The following FSTL5 variants were observed in gnomAD, a reference collection of about 807,000 sequenced individuals.
The protein encoded by FSTL5 is follistatin-related protein 5.
A neutral mutation model predicts 89.1 loss-of-function variants in FSTL5; 62 were observed. The observed-to-expected ratio is 0.70, with a 90% CI of 0.57 to 0.86. The LOEUF (loss-of-function observed/expected upper bound fraction) is 0.86. Ranked by LOEUF, FSTL5 falls within the 40% of genes least tolerant of loss-of-function variation. The probability of loss-of-function intolerance (pLI) is 0.00; values close to 1 mark genes in which losing one functional copy is unlikely to be tolerated. For missense variants in FSTL5, 1,057 were observed against 1,001.6 expected (o/e 1.06, Z -0.75); for synonymous variants, 383 against 346.2 (o/e 1.11, Z -1.18).
chr4:161,388,220 A>T (rs1730711359), intron 15 of FSTL5: 1 of 152,060 alleles, frequency 6.6e-6, no homozygotes, highest in Non-Finnish European at 1.5e-5. Context: ...CTAACTGTTT[A>T]TCTTTTCTGT....
At chr4:161,440,214 C>T (rs555416905) in intron 15 of FSTL5, among the ~76,000 whole-genome samples, 12 of 152,024 alleles carry the variant, frequency 7.9e-5, no homozygotes, top group Admixed American at 2.0e-4. Flanking sequence ...AAGAGATTCG[C>T]CAACACACAG....
chr4:162,028,880 A>C (rs1411461133), intron 3 of FSTL5, among the ~76,000 whole-genome samples: 2 of 152,144 alleles, frequency 1.3e-5, no homozygotes. Context: ...TGGCTACTTG[A>C]CCTTGAAGTA....
At chr4:161,990,054 T>G (rs1402597447) in intron 3 of FSTL5, among the ~76,000 whole-genome samples, 1 of 152,148 alleles carries the variant, frequency 6.6e-6, no homozygotes, top group Non-Finnish European at 1.5e-5. Flanking sequence ...AGGAAATAAC[T>G]TTGTAAAATC....
intron 1 of FSTL5, among the ~76,000 whole-genome samples, chr4:162,136,847 A>T (rs990483815): frequency 5.3e-5 from 8 of 152,088 alleles, no homozygotes; most frequent in Non-Finnish European, 1.2e-4. Context: ...CAGAGACTTT[A>T]GTATGATAAT....
At chr4:161,944,402 T>A (rs919795435) in intron 3 of FSTL5, among the ~76,000 whole-genome samples, 5 of 152,092 alleles carry the variant, frequency 3.3e-5, no homozygotes, top group Non-Finnish European at 7.4e-5. Context: ...ACTTTATTTT[T>A]AAATTTATTT....
chr4:161,622,727 A>G (rs1176571809), intron 7 of FSTL5, among the ~76,000 whole-genome samples: 1 of 152,128 alleles, frequency 6.6e-6, no homozygotes, highest in Non-Finnish European at 1.5e-5. Flanking sequence ...CTGTTACGTA[A>G]TTCAATATAT....
chr4:161,563,425 G>A (rs1732675916), intron 8 of FSTL5, among the ~76,000 whole-genome samples: 1 of 151,820 alleles, frequency 6.6e-6, no homozygotes, highest in Admixed American at 6.6e-5. Flanking sequence ...TAGTGAATAG[G>A]GCTCCAAATT....
At chr4:161,588,919 A>G (rs1733710864) in intron 7 of FSTL5, among the ~76,000 whole-genome samples, 1 of 151,912 alleles carries the variant, frequency 6.6e-6, no homozygotes. Context: ...TCGAGAACAT[A>G]CATTTTCATG....
At chr4:161,993,299 C>G (rs1233977817) in intron 3 of FSTL5, among the ~76,000 whole-genome samples, 1 of 151,536 alleles carries the variant, frequency 6.6e-6, no homozygotes, top group Non-Finnish European at 1.5e-5. Flanking sequence ...AGAATTGTAA[C>G]TGAATAATGA....
At chr4:161,988,747 A>T (rs1736031602) in intron 3 of FSTL5, among the ~76,000 whole-genome samples, 1 of 152,144 alleles carries the variant, frequency 6.6e-6, no homozygotes, top group African/African-American at 2.4e-5. Flanking sequence ...GAAATATAAG[A>T]TGCTAAGTCA....
chr4:162,072,458 T>G (rs912646716), intron 2 of FSTL5, among the ~76,000 whole-genome samples: 1 of 151,724 alleles, frequency 6.6e-6, no homozygotes, highest in African/African-American at 2.4e-5. Context: ...GGAAAACATA[T>G]CAACAAATGA....
At chr4:161,950,809 A>G (rs1734871780) in intron 3 of FSTL5, among the ~76,000 whole-genome samples, 1 of 152,110 alleles carries the variant, frequency 6.6e-6, no homozygotes, top group African/African-American at 2.4e-5. Flanking sequence ...AAGAATTTGG[A>G]AAGAGTTGTC....
At chr4:161,446,353 A>G (rs938253379) in intron 15 of FSTL5, among the ~76,000 whole-genome samples, 14 of 152,098 alleles carry the variant, frequency 9.2e-5, no homozygotes, top group African/African-American at 3.4e-4. Flanking sequence ...ATTCTCAAAG[A>G]TAAAATTATT....
intron 6 of FSTL5, among the ~76,000 whole-genome samples, chr4:161,703,047 A>C (rs1213480190): frequency 6.6e-6 from 1 of 152,150 alleles, no homozygotes; most frequent in East Asian, 1.9e-4. Context: ...GACAACAGAG[A>C]TATGCACACG....
chr4:162,057,063 C>T (rs984738609), intron 2 of FSTL5, among the ~76,000 whole-genome samples: 9 of 152,208 alleles, frequency 5.9e-5, no homozygotes, highest in African/African-American at 1.9e-4. Context: ...GAAAGGCCTG[C>T]GTGCAGCAGG....
intron 3 of FSTL5, among the ~76,000 whole-genome samples, chr4:161,986,655 T>C (rs1350357354): frequency 6.6e-6 from 1 of 152,234 alleles, no homozygotes; most frequent in East Asian, 1.9e-4. Flanking sequence ...TATTTAAATA[T>C]TAGTTTCTAG....
Position 161,385,925 on chromosome 4 carries a change from T to C in FSTL5, c.2366A>G (p.Glu789Gly). 1 of 1,613,982 alleles carries C rather than the reference T, an allele frequency of 6.2e-7. No homozygotes were observed. The highest frequency in any genetic ancestry group is 8.5e-7 in the Non-Finnish European group (1 of 1,179,944). ...IKSLKEPLKA[E>G]EWPWNRKNRQ... ...GTTTTTCCGGTTCCAAGGCCATTCT[T>C]CTGCCTTGAGTGGTTCCTTGAGACT... Residue 789 changes from glutamate to glycine, a missense_variant, in exon 16 of 16, where the codon GAA (glutamate) becomes GGA (glycine). This residue lies in a region of FSTL5 where 68 missense variants were observed against 73.3 expected (regional missense o/e 0.93). Transcript: ENST00000306100.
chr4:161,962,010 A>G (rs1735193007), intron 3 of FSTL5, among the ~76,000 whole-genome samples: 2 of 151,916 alleles, frequency 1.3e-5, no homozygotes, highest in African/African-American at 4.8e-5. Context: ...TGTGTTGACC[A>G]TATTATTATA....
At chr4:162,080,492 T>C (rs1179733139) in intron 2 of FSTL5, among the ~76,000 whole-genome samples, 1 of 151,632 alleles carries the variant, frequency 6.6e-6, no homozygotes, top group Non-Finnish European at 1.5e-5. Flanking sequence ...ACATAAAAAC[T>C]TCTCTGGAAA....
Sources: allele counts gnomAD v4.1 joint callset (sites outside exome capture counted in the v4.1 genomes callset), GRCh38; gene constraint gnomAD v4.1.1; regional missense constraint gnomAD v4.1.1; transcripts MANE v1.5; gene names NCBI Gene and HGNC (gene_info 2026-07-23, HGNC 2026-07-21).